Variants in MET observed in about 807,000 individuals in gnomAD.
The protein encoded by MET is hepatocyte growth factor receptor.
In MET, 48 loss-of-function variants were observed where a neutral mutation model predicts 133.1. The ratio of observed to expected loss-of-function variants is 0.36; its 90% confidence interval spans 0.29 to 0.46. The LOEUF (loss-of-function observed/expected upper bound fraction) is 0.46. Ranked by LOEUF, MET falls within the 20% of genes least tolerant of loss-of-function variation. The probability of loss-of-function intolerance (pLI) is 1.00; values close to 1 mark genes in which losing one functional copy is unlikely to be tolerated. For missense variants in MET, 1,442 were observed against 1,695.9 expected (o/e 0.85, Z 2.63); for synonymous variants, 628 against 616.5 (o/e 1.02, Z -0.28).
intron 2 of MET, among the ~76,000 whole-genome samples, chr7:116,713,396 A>AC (rs1313040813): frequency 7.3e-6 from 1 of 137,368 alleles, no homozygotes; most frequent in East Asian, 2.0e-4. Context: ...CTCCGTCTCA[A>AC]AAAAAAAAAA....
At chr7:116,736,926 G>A (rs1328365659) in intron 3 of MET, among the ~76,000 whole-genome samples, 1 of 152,078 alleles carries the variant, frequency 6.6e-6, no homozygotes, top group African/African-American at 2.4e-5. Context: ...CAACCAAAAG[G>A]AACTCCTAAT....
At chr7:116,782,121 A>G (rs1455038932) in intron 18 of MET, 24 bp downstream of exon 18, 1 of 1,487,322 alleles carries the variant, frequency 6.7e-7, no homozygotes, top group Admixed American at 1.7e-5. Flanking sequence ...TCTCTGTGCC[A>G]CAATCCAAAT....
intron 17 of MET, among the ~76,000 whole-genome samples, chr7:116,780,107 G>T (rs1329337431): frequency 6.6e-6 from 1 of 152,166 alleles, no homozygotes; most frequent in Non-Finnish European, 1.5e-5. Context: ...ATTGTTGAAT[G>T]AATCAGCTAA....
rs138845890 is a variant in MET at position 116,781,140 on chromosome 7, C to T, written c.3523-848C>T. The stretch of plus-strand genomic sequence containing the variant: ...CAACTAGAACTATCCTCGGAGCCTG[C>T]TGAAATACTCCAGATTGGCCAGCTC... On this transcript the variant is annotated intron_variant, in intron 17 of 20. Transcript: ENST00000397752. 7.8e-3 allele frequency among the ~76,000 whole-genome samples: 1,193 copies of T among 152,250 alleles called. 11 individuals carry two copies. Among genetic ancestry groups the T allele is most frequent in the Non-Finnish European group, 0.013 (874 of 68,016 alleles).
chr7:116,716,478 AAAG>A (rs1428457234), intron 2 of MET, among the ~76,000 whole-genome samples: 1 of 104,870 alleles, frequency 9.5e-6, no homozygotes, highest in Non-Finnish European at 2.0e-5. Flanking sequence ...AGAAAGAAAG[AAAG>A]AAAGAAAGAA....
chr7:116,710,319 A>T (rs1791946356), intron 2 of MET, among the ~76,000 whole-genome samples: 1 of 152,210 alleles, frequency 6.6e-6, no homozygotes, highest in South Asian at 2.1e-4. Context: ...TAAAACTTGT[A>T]ATTAATTTCA....
intron 1 of MET, among the ~76,000 whole-genome samples, chr7:116,687,206 G>T (rs2116512504): frequency 6.6e-6 from 1 of 152,226 alleles, no homozygotes; most frequent in East Asian, 1.9e-4. Flanking sequence ...TGTTTTCCTT[G>T]AATTGATGAG....
intron 1 of MET, among the ~76,000 whole-genome samples, chr7:116,698,509 C>T (rs1284578089): frequency 3.3e-5 from 5 of 152,166 alleles, no homozygotes; most frequent in African/African-American, 7.2e-5. Context: ...ACACAAAATC[C>T]TATAAACAGC....
At chr7:116,743,186 G>A (rs1793530197) in intron 5 of MET, among the ~76,000 whole-genome samples, 2 of 152,296 alleles carry the variant, frequency 1.3e-5, no homozygotes, top group Admixed American at 1.3e-4. Flanking sequence ...GTGTTGTGAG[G>A]AACAATGCAT....
intron 2 of MET, chr7:116,724,967 T>C: frequency 3.5e-6 from 3 of 859,600 alleles, no homozygotes; most frequent in Non-Finnish European, 4.7e-6. Context: ...TAGGAACAAA[T>C]GCTAAGGTCA....
intron 1 of MET, among the ~76,000 whole-genome samples, chr7:116,687,519 T>A (rs186494385): frequency 1.4e-4 from 21 of 152,342 alleles, no homozygotes; most frequent in Admixed American, 1.3e-4. Flanking sequence ...TTGCATTATG[T>A]TCACCCAAGG....
At chr7:116,690,073 G>T (rs903852843) in intron 1 of MET, among the ~76,000 whole-genome samples, 2 of 152,142 alleles carry the variant, frequency 1.3e-5, no homozygotes, top group African/African-American at 4.8e-5. Flanking sequence ...GGACTAAAGT[G>T]ATGAAACAGT....
At chr7:116,773,054 A>G (rs1056691373) in intron 14 of MET, among the ~76,000 whole-genome samples, 1 of 151,912 alleles carries the variant, frequency 6.6e-6, no homozygotes, top group African/African-American at 2.4e-5. Flanking sequence ...GATCATTAAA[A>G]TTTACAAATT....
chr7:116,700,339 T>C, intron 2 of MET, 55 bp downstream of exon 2: 1 of 1,561,036 alleles, frequency 6.4e-7, no homozygotes, highest in Non-Finnish European at 8.6e-7. Context: ...TAGAAATAAG[T>C]ATCAGTCTCA....
chr7:116,741,424 T>C (rs1793450115), intron 5 of MET, among the ~76,000 whole-genome samples: 1 of 152,192 alleles, frequency 6.6e-6, no homozygotes, highest in Admixed American at 6.5e-5. Flanking sequence ...CCTCGCCACT[T>C]CCTATATAGG....
At chr7:116,777,892 A>T (rs1795043329) in intron 16 of MET, among the ~76,000 whole-genome samples, 1 of 152,218 alleles carries the variant, frequency 6.6e-6, no homozygotes, top group Non-Finnish European at 1.5e-5. Flanking sequence ...AAATAAGACA[A>T]ACAGGAGAAA....
chr7:116,746,029 C>T (rs927733936), intron 5 of MET, among the ~76,000 whole-genome samples: 2 of 152,198 alleles, frequency 1.3e-5, no homozygotes, highest in African/African-American at 4.8e-5. Flanking sequence ...GCAATCTACT[C>T]ATCTGACAAA....
At chr7:116,740,165 AT>A (rs1793390892) in intron 4 of MET, 81 bp downstream of exon 4, 1 of 1,498,172 alleles carries the variant, frequency 6.7e-7, no homozygotes, top group South Asian at 1.1e-5. Flanking sequence ...TTGGCCCTTT[AT>A]AATGTCTCTC....
intron 19 of MET, among the ~76,000 whole-genome samples, chr7:116,795,148 T>A (rs986828891): frequency 2.0e-5 from 3 of 152,220 alleles, no homozygotes; most frequent in African/African-American, 7.2e-5. Flanking sequence ...TTTCTGATTT[T>A]TAATATGTAT....
Sources: allele counts gnomAD v4.1 joint callset (sites outside exome capture counted in the v4.1 genomes callset), GRCh38; gene constraint gnomAD v4.1.1; transcripts MANE v1.5; gene names NCBI Gene and HGNC (gene_info 2026-07-23, HGNC 2026-07-21).